The following ZFHX3 variants were observed in gnomAD, a reference collection of about 807,000 sequenced individuals.
The protein encoded by ZFHX3 is zinc finger homeobox protein 3.
Under a neutral mutation model 279.1 loss-of-function variants are expected in ZFHX3, and 42 were observed. The observed-to-expected ratio is 0.15, with a 90% CI of 0.12 to 0.19. ZFHX3 has a LOEUF of 0.19. ZFHX3 is among the 10% of genes least tolerant of loss of function. The pLI is 1.00. For synonymous variants in ZFHX3, 2,293 were observed against 1,957.8 expected (o/e 1.17, Z -4.52); for missense variants, 4,981 against 4,754.0 (o/e 1.05, Z -1.40).
At chr16:73,217,823 G>A (rs529635799) in intron 5 of ZFHX3, among the ~76,000 whole-genome samples, 1 of 151,958 alleles carries the variant, frequency 6.6e-6, no homozygotes, top group Admixed American at 6.6e-5. Context: ...ACATTTTGGG[G>A]CTCCAAGGCG....
At chr16:73,861,475 G>A (rs1961880089) in intron 1 of ZFHX3, among the ~76,000 whole-genome samples, 1 of 152,136 alleles carries the variant, frequency 6.6e-6, no homozygotes. Flanking sequence ...ACACACAAAT[G>A]TGTTCATTGA....
chr16:73,640,912 A>G (rs1046824867), intron 2 of ZFHX3, among the ~76,000 whole-genome samples: 12 of 152,166 alleles, frequency 7.9e-5, no homozygotes, highest in African/African-American at 2.7e-4. Flanking sequence ...ATCACAAAAT[A>G]TTGGAATCTT....
intron 8 of ZFHX3, among the ~76,000 whole-genome samples, chr16:73,068,317 T>G (rs1370579705): frequency 6.6e-6 from 1 of 152,248 alleles, no homozygotes; most frequent in Non-Finnish European, 1.5e-5. Flanking sequence ...TGAGAAAAGA[T>G]AGATGTGTAG....
intron 4 of ZFHX3, among the ~76,000 whole-genome samples, chr16:73,309,809 G>C (rs1432251667): frequency 1.3e-5 from 2 of 151,976 alleles, no homozygotes; most frequent in African/African-American, 4.8e-5. Context: ...GTATCCTCAA[G>C]TAGTCTGAGA....
At chr16:73,749,312 C>T (rs989276123) in intron 1 of ZFHX3, among the ~76,000 whole-genome samples, 10 of 151,730 alleles carry the variant, frequency 6.6e-5, no homozygotes, top group African/African-American at 2.2e-4. Context: ...CTTCCCACTA[C>T]CCCGATAATA....
intron 5 of ZFHX3, among the ~76,000 whole-genome samples, chr16:73,238,946 G>A (rs2013036392): frequency 6.6e-6 from 1 of 152,006 alleles, no homozygotes; most frequent in Non-Finnish European, 1.5e-5. Context: ...CCCATGCTGG[G>A]TTACGTGCTA....
At chr16:73,879,545 A>G (rs1474953588) in intron 1 of ZFHX3, among the ~76,000 whole-genome samples, 3 of 151,958 alleles carry the variant, frequency 2.0e-5, no homozygotes, top group Admixed American at 2.0e-4. Context: ...ACCATTTTCC[A>G]CTCTCTAGAT....
intron 2 of ZFHX3, among the ~76,000 whole-genome samples, chr16:73,515,743 T>C (rs1305527724): frequency 6.6e-6 from 1 of 152,186 alleles, no homozygotes; most frequent in African/African-American, 2.4e-5. Flanking sequence ...TTAAAATCTG[T>C]CATAGAGGAA....
In ZFHX3 at chr16:73,279,972, G is replaced by C. The variant is rs80109949; in HGVS notation, c.-1193-22836C>G. Among the ~76,000 whole-genome samples, 888 of 152,294 alleles carry C rather than the reference G, an allele frequency of 5.8e-3. 9 individuals are homozygous for C. Among genetic ancestry groups the C allele is most frequent in the African/African-American group, 0.02 (852 of 41,566 alleles). ...GAGCCCAGAAATAAACTCATGTATA[G>C]ATGGTCAACTAAATTTTAACAAGAG... On this transcript the variant is annotated intron_variant, in intron 4 of 17. Transcript: ENST00000641206.
At chr16:73,023,239 T>TAAATA (rs1597103433) in intron 1 of ZFHX3, among the ~76,000 whole-genome samples, 3 of 152,168 alleles carry the variant, frequency 2.0e-5, no homozygotes, top group South Asian at 2.1e-4. Context: ...AATAAATAAA[T>TAAATA]AAATAAAATA....
At chr16:73,874,520 C>T (rs928811585) in intron 1 of ZFHX3, among the ~76,000 whole-genome samples, 1 of 152,216 alleles carries the variant, frequency 6.6e-6, no homozygotes, top group Non-Finnish European at 1.5e-5. Flanking sequence ...TCTAAATGTA[C>T]ACACTCACTG....
upstream of ZFHX3, chr16:73,048,243 T>A (rs1965374008): frequency 6.6e-6 from 1 of 151,872 alleles, no homozygotes; most frequent in African/African-American, 2.4e-5. Context: ...AATTTGAAAC[T>A]CACAGCCCCG....
chr16:73,183,651 G>A (rs953691401), intron 5 of ZFHX3, among the ~76,000 whole-genome samples: 2 of 152,154 alleles, frequency 1.3e-5, no homozygotes, highest in South Asian at 2.1e-4. Flanking sequence ...AAAACTCTGC[G>A]CTATCCTTTA....
intron 4 of ZFHX3, among the ~76,000 whole-genome samples, chr16:72,843,681 A>G (rs561348379): frequency 6.6e-6 from 1 of 152,242 alleles, no homozygotes; most frequent in East Asian, 1.9e-4. Flanking sequence ...GCAGCCTCAC[A>G]CCCTGCTCCC....
intron 3 of ZFHX3, 74 bp from the exon 4 acceptor site, chr16:72,890,036 T>C: frequency 7.3e-7 from 1 of 1,362,866 alleles, no homozygotes; most frequent in Non-Finnish European, 1.0e-6. Context: ...GCCCACACCA[T>C]CCTGGTCACA....
At chr16:73,765,091 G>C (rs1442176842) in intron 1 of ZFHX3, among the ~76,000 whole-genome samples, 1 of 152,032 alleles carries the variant, frequency 6.6e-6, no homozygotes, top group African/African-American at 2.4e-5. Context: ...CCTTCTCAAA[G>C]TTGCTAAAAG....
intron 4 of ZFHX3, among the ~76,000 whole-genome samples, chr16:72,841,141 G>A (rs2037334952): frequency 6.6e-6 from 1 of 152,188 alleles, no homozygotes. Flanking sequence ...GGTGCCAGCG[G>A]AGAAGAGCCT....
chr16:73,264,573 CT>C lies in ZFHX3; in HGVS notation c.-1193-7438del, dbSNP rs926685750. Among the ~76,000 whole-genome samples the C allele has an allele frequency of 2.1e-3, 300 of 144,024 alleles. 2 individuals are homozygous for C. The highest frequency in any genetic ancestry group is 2.2e-3 in the Admixed American group (32 of 14,284). The allele number at this position is 144,024 out of a possible 152,430, so 94.5% of individuals were successfully genotyped here. ...GACACATGGACAAAGGAACAACCGA[CT>C]TTTTTTTTTTTTAGTTTTTTATTTC... On this transcript the variant is annotated intron_variant, in intron 4 of 17. Coordinates refer to the ZFHX3 transcript ENST00000641206.
intron 5 of ZFHX3, among the ~76,000 whole-genome samples, chr16:73,166,582 G>C (rs951486898): frequency 1.3e-5 from 2 of 152,144 alleles, no homozygotes; most frequent in African/African-American, 4.8e-5. Context: ...CATTCACTGG[G>C]AGAGAGGCAG....
Sources: gnomAD v4.1 joint callset for allele counts (sites outside exome capture counted in the v4.1 genomes callset) on GRCh38, gnomAD v4.1.1 for gene constraint, MANE v1.5 for transcripts, NCBI Gene and HGNC (gene_info 2026-07-23, HGNC 2026-07-21) for gene names.